The following ITGA9 variants were observed in gnomAD, a reference collection of about 807,000 sequenced individuals.
ITGA9 encodes integrin subunit alpha 9.
In ITGA9, 56 loss-of-function variants were observed where a neutral mutation model predicts 127.8. That is an observed-to-expected ratio of 0.44 (90% CI 0.35 to 0.55). The LOEUF (loss-of-function observed/expected upper bound fraction) is 0.55, where lower values mean the gene tolerates loss of function less well. Among genes scored for constraint, ITGA9 ranks in the 20% least tolerant of loss-of-function variants. The pLI is 0.00. For synonymous variants in ITGA9, 508 were observed against 514.5 expected (o/e 0.99, Z 0.17); for missense variants, 1,196 against 1,347.1 (o/e 0.89, Z 1.76).
intron 15 of ITGA9, among the ~76,000 whole-genome samples, chr3:37,594,854 A>C (rs1301075854): frequency 6.6e-6 from 1 of 152,208 alleles, no homozygotes; most frequent in Admixed American, 6.5e-5. Flanking sequence ...TCACAGGCAC[A>C]GTCAGAGCCC....
intron 17 of ITGA9, among the ~76,000 whole-genome samples, chr3:37,659,653 A>G (rs987335720): frequency 3.9e-5 from 6 of 152,006 alleles, no homozygotes; most frequent in African/African-American, 1.2e-4. Context: ...GGAGTTTGTT[A>G]TTACCCACCT....
chr3:37,493,208 A>G (rs1217482861), intron 4 of ITGA9, among the ~76,000 whole-genome samples: 2 of 151,918 alleles, frequency 1.3e-5, no homozygotes, highest in Non-Finnish European at 2.9e-5. Context: ...AAACTGAATT[A>G]CTCTGTATAT....
At chr3:37,628,767 C>T (rs757023724) in intron 15 of ITGA9, among the ~76,000 whole-genome samples, 4 of 152,160 alleles carry the variant, frequency 2.6e-5, no homozygotes, top group Non-Finnish European at 5.9e-5. Context: ...GGATTCCCTG[C>T]CCTAACACAA....
intron 23 of ITGA9, among the ~76,000 whole-genome samples, chr3:37,776,089 C>T (rs1696904105): frequency 1.3e-5 from 2 of 152,056 alleles, no homozygotes; most frequent in African/African-American, 4.8e-5. Flanking sequence ...GAACAGAAAA[C>T]CAAATATCAC....
chr3:37,776,849 A>C (rs1178238898), intron 23 of ITGA9, among the ~76,000 whole-genome samples: 2 of 152,224 alleles, frequency 1.3e-5, no homozygotes, highest in Non-Finnish European at 2.9e-5. Context: ...GACCATGAGC[A>C]GTCCTGCTTG....
At chr3:37,494,400 G>A (rs113955648) in intron 4 of ITGA9, 101 bp from the exon 5 acceptor site, 28,573 of 818,240 alleles carry the variant, frequency 0.035, 2,253 homozygotes, top group South Asian at 0.2. Flanking sequence ...AGCCTGCCGC[G>A]GCACTCGTGG....
chr3:37,579,102 T>C (rs953562346), intron 15 of ITGA9, among the ~76,000 whole-genome samples: 2 of 152,144 alleles, frequency 1.3e-5, no homozygotes, highest in African/African-American at 4.8e-5. Context: ...TCCCCAGCAG[T>C]GTGCATAGTC....
chr3:37,772,902 G>A (rs1696861082), intron 23 of ITGA9, among the ~76,000 whole-genome samples: 1 of 152,080 alleles, frequency 6.6e-6, no homozygotes, highest in Admixed American at 6.5e-5. Flanking sequence ...ATCACATCAC[G>A]CCATCGCCAT....
intron 14 of ITGA9, among the ~76,000 whole-genome samples, chr3:37,535,109 T>G (rs76952775): frequency 0.056 from 8,511 of 152,302 alleles, 282 homozygotes; most frequent in East Asian, 0.094. Context: ...CGAGTAATAG[T>G]TTCTGTGTAT....
chr3:37,474,814 AG>A (rs1045743938), intron 3 of ITGA9, among the ~76,000 whole-genome samples: 22 of 152,360 alleles, frequency 1.4e-4, no homozygotes, highest in Admixed American at 1.3e-3. Context: ...ATTTTATCCC[AG>A]GGAAACAGGT....
chr3:37,599,950 G>A (rs529538579), intron 15 of ITGA9, among the ~76,000 whole-genome samples: 1 of 152,138 alleles, frequency 6.6e-6, no homozygotes, highest in Non-Finnish European at 1.5e-5. Context: ...ATGAACTCAG[G>A]AGTTGAGATT....
At chr3:37,542,386 C>T (rs150893934) in intron 14 of ITGA9, 39 bp from the exon 15 acceptor site, 156 of 1,609,470 alleles carry the variant, frequency 9.7e-5, no homozygotes, top group African/African-American at 1.3e-4. Flanking sequence ...CACAGTGTGT[C>T]GGTCCTTTCT....
At chr3:37,533,578 C>T (rs1415304413) in intron 14 of ITGA9, 110 bp downstream of exon 14, 63 of 1,038,006 alleles carry the variant, frequency 6.1e-5, no homozygotes, top group Non-Finnish European at 8.6e-5. Context: ...TTGCAGGCAG[C>T]AGGCACACAG....
At position 37,462,322 on chromosome 3, in the gene ITGA9, T is replaced by A. The variant is rs150229937; in HGVS notation, c.186-8685T>A. Among the ~76,000 whole-genome samples the A allele has an allele frequency of 5.9e-3, 897 of 152,306 alleles. 20 individuals carry two copies. Among genetic ancestry groups the A allele is most frequent in the East Asian group, 0.045 (234 of 5,174 alleles). ...CCAGTTGGGCATGGACTCCACCAAT[T>A]TCATTCTCTGACTTAGCGTTATGTG... On this transcript the variant is annotated intron_variant, in intron 1 of 27. Coordinates refer to ENST00000264741, the MANE Select transcript of ITGA9 (RefSeq NM_002207.3).
intron 12 of ITGA9, 101 bp from the exon 13 acceptor site, chr3:37,525,925 G>A (rs182100580): frequency 1.4e-4 from 127 of 925,026 alleles, no homozygotes; most frequent in African/African-American, 5.3e-4. Flanking sequence ...AGGGCTCTCC[G>A]GCCTCAAGGC....
At chr3:37,521,396 A>ACT (rs1167171716) in intron 11 of ITGA9, among the ~76,000 whole-genome samples, 5 of 151,952 alleles carry the variant, frequency 3.3e-5, no homozygotes, top group Admixed American at 3.3e-4. Flanking sequence ...TTGCTCTTTA[A>ACT]CTCTCTCTCG....
At chr3:37,474,053 T>A (rs1449642915) in intron 3 of ITGA9, among the ~76,000 whole-genome samples, 2 of 152,256 alleles carry the variant, frequency 1.3e-5, no homozygotes, top group African/African-American at 4.8e-5. Flanking sequence ...GTATCAGTAG[T>A]TCATTCCTGT....
intron 13 of ITGA9, among the ~76,000 whole-genome samples, chr3:37,528,385 T>C (rs17036582): frequency 0.033 from 4,999 of 152,034 alleles, 237 homozygotes; most frequent in African/African-American, 0.1. Context: ...CAAGAAGAAC[T>C]CCAGGGAGAG....
intron 14 of ITGA9, among the ~76,000 whole-genome samples, chr3:37,539,669 A>G (rs1414689232): frequency 2.0e-5 from 3 of 152,242 alleles, no homozygotes; most frequent in South Asian, 2.1e-4. Context: ...TTAATCTAAT[A>G]TAAAAAAATA....
Sources: gnomAD v4.1 joint callset for allele counts (sites outside exome capture counted in the v4.1 genomes callset) on GRCh38, gnomAD v4.1.1 for gene constraint, MANE v1.5 for transcripts, NCBI Gene and HGNC (gene_info 2026-07-23, HGNC 2026-07-21) for gene names.